Variants in TUBB8 observed in about 807,000 individuals in gnomAD.
TUBB8 encodes the protein tubulin beta 8 class VIII.
Under a neutral mutation model 33.7 loss-of-function variants are expected in TUBB8, and 25 were observed. That is an observed-to-expected ratio of 0.74 (90% CI 0.54 to 1.04). TUBB8 has a LOEUF of 1.04. Among genes scored for constraint, TUBB8 ranks in the 50% least tolerant of loss-of-function variants. The pLI is 0.00. For missense variants in TUBB8, 279 were observed against 608.0 expected, an observed-to-expected ratio of 0.46 and a Z score of 5.69; for synonymous variants, 245 against 240.1, an observed-to-expected ratio of 1.02 and a Z score of -0.19.
At chr10:63,766 C>T (rs1336596548) in intron 1 of TUBB8, among the ~76,000 whole-genome samples, 1 of 152,162 alleles carries the variant, frequency 6.6e-6, no homozygotes, top group Non-Finnish European at 1.5e-5. Context: ...TCACATATCT[C>T]TATTTTTCCA....
chr10:75,264 G>C (rs1428923017), upstream of TUBB8, among the ~76,000 whole-genome samples: 2 of 151,916 alleles, frequency 1.3e-5, no homozygotes, highest in African/African-American at 2.4e-5. Flanking sequence ...CCGGAGGATT[G>C]CTGGAGCCCA....
chr10:48,994 C>T, intron 1 of TUBB8, 82 bp from the exon 2 acceptor site: 5 of 1,254,870 alleles, frequency 4.0e-6, no homozygotes, highest in Non-Finnish European at 4.4e-6. Flanking sequence ...CACCCTCATC[C>T]GCACCCCCAT....
chr10:65,087 G>A (rs1834653750), intron 1 of TUBB8, among the ~76,000 whole-genome samples: 4 of 152,230 alleles, frequency 2.6e-5, no homozygotes, highest in Admixed American at 2.0e-4. Context: ...GTTGGAGGTT[G>A]CTATAAGCCA....
chr10:47,822 G>C lies in TUBB8; in HGVS notation c.570C>G (p.His190Gln). 1 of 1,614,256 alleles carries C rather than the reference G, an allele frequency of 6.2e-7. No homozygotes were observed. The highest frequency in any genetic ancestry group is 8.5e-7 in the Non-Finnish European group (1 of 1,180,050). Residue 190 changes from histidine (H) to glutamine (Q), a missense_variant, in exon 4 of 4, where the codon CAC (histidine) becomes CAG (glutamine). By Grantham distance (24) the His-to-Gln change is conservative. Around this residue, in one of 4 missense-constraint regions of TUBB8, gnomAD observed 96 missense variants for 233.7 expected, o/e 0.41. Coordinates refer to ENST00000568584, the MANE Select transcript of TUBB8 (RefSeq NM_177987.3). ...TCTCATCTGCGTTTTCTATGAGCTG[G>C]TGGACTGAGAGGGTGGCGTTGTAGG... ...VEPYNATLSV[H>Q]QLIENADETF...
At chr10:61,562 T>C (rs1834601978) in intron 1 of TUBB8, among the ~76,000 whole-genome samples, 1 of 152,236 alleles carries the variant, frequency 6.6e-6, no homozygotes, top group South Asian at 2.1e-4. Flanking sequence ...CAGAGAAGAA[T>C]GTGTATTCTG....
At chr10:55,009 G>A (rs1564208034) in intron 1 of TUBB8, among the ~76,000 whole-genome samples, 1 of 152,168 alleles carries the variant, frequency 6.6e-6, no homozygotes, top group African/African-American at 2.4e-5. Context: ...ACCCACCGCT[G>A]CCTCCCAAAG....
In TUBB8 at chr10:47,732, G is replaced by C; in HGVS notation, c.660C>G (p.Pro220=). ...CCAGGTGGTTCAGGTCACCATAGGT[G>C]GGTGTGGGCAGTTTTAGGGTCTTGG... ...ICSKTLKLPT[P]TYGDLNHLVS... The change falls in exon 4 of 4, where the codon CCC becomes CCG. Residue 220 remains proline, a synonymous_variant. Coordinates refer to ENST00000568584, the MANE Select transcript of TUBB8 (RefSeq NM_177987.3). 6.2e-7 allele frequency: 1 copy of C among 1,613,178 alleles called. No homozygotes were observed. Among genetic ancestry groups the C allele is most frequent in the Non-Finnish European group, 8.5e-7 (1 of 1,180,028 alleles).
At chr10:66,096 C>T (rs1834667218) in intron 1 of TUBB8, among the ~76,000 whole-genome samples, 1 of 152,194 alleles carries the variant, frequency 6.6e-6, no homozygotes, top group South Asian at 2.1e-4. Flanking sequence ...TGCTCATTTT[C>T]ATCACTGTAT....
intron 1 of TUBB8, among the ~76,000 whole-genome samples, chr10:54,737 T>TA (rs1564207956): frequency 1.3e-5 from 2 of 152,166 alleles, no homozygotes; most frequent in Non-Finnish European, 2.9e-5. Flanking sequence ...TGCACTGCTA[T>TA]AAAAAAACTG....
rs188420699 is a variant in TUBB8 at position 48,376 on chromosome 10, C to T, written c.277+239G>A. On this transcript the variant is annotated intron_variant, in intron 3 of 3. Coordinates refer to ENST00000568584, the MANE Select transcript of TUBB8 (RefSeq NM_177987.3). ...CCATTCTCAGGAAAGGCAGTAGCCACGGCCCCAGCTCAGGTTCTTGCAGGG... is the reference window on the plus strand; with the variant it reads ...CCATTCTCAGGAAAGGCAGTAGCCATGGCCCCAGCTCAGGTTCTTGCAGGG... 5.3e-4 allele frequency: 332 copies of T among 631,966 alleles called. No homozygotes were observed. In the African/African-American group the frequency reaches 5.3e-3, roughly 10 times the overall value. The allele number at this position is 631,966 out of a possible 1,614,324, so 39.1% of individuals were successfully genotyped here.
At chr10:67,812 C>G (rs547539944) in intron 1 of TUBB8, among the ~76,000 whole-genome samples, 1 of 152,176 alleles carries the variant, frequency 6.6e-6, no homozygotes, top group Non-Finnish European at 1.5e-5. Context: ...CACACTGTCA[C>G]GCAGGCTGGA....
upstream of TUBB8, chr10:49,473 G>A: frequency 4.7e-6 from 3 of 640,312 alleles, no homozygotes; most frequent in South Asian, 3.1e-5. Flanking sequence ...TCCTTTCCAC[G>A]TTGGGGAAAG....
upstream of TUBB8, chr10:50,062 C>G (rs540942985): frequency 6.5e-6 from 1 of 153,692 alleles, no homozygotes; most frequent in South Asian, 2.0e-4. Context: ...TTTGAATCTC[C>G]TGCAGAAAGG....
At chr10:49,820 C>G (rs1564206221), upstream of TUBB8, 1 of 330,522 alleles carries the variant, frequency 3.0e-6, no homozygotes, top group Non-Finnish European at 5.9e-6. Flanking sequence ...TAGGGTTAGC[C>G]CTTTCACCTT....
chr10:50,443 C>A (rs1321879540), upstream of TUBB8, among the ~76,000 whole-genome samples: 1 of 152,172 alleles, frequency 6.6e-6, no homozygotes, highest in Non-Finnish European at 1.5e-5. Flanking sequence ...TGTATGCTGA[C>A]CAGCACGCCC....
chr10:66,172 A>G (rs1348567833), intron 1 of TUBB8, among the ~76,000 whole-genome samples: 3 of 152,262 alleles, frequency 2.0e-5, no homozygotes, highest in Non-Finnish European at 4.4e-5. Flanking sequence ...GAGAACTTAT[A>G]TGTGTTAGGA....
chr10:48,749 G>T lies in TUBB8; in HGVS notation c.167-24C>A, dbSNP rs374196388. 17 of 1,607,622 alleles carry T rather than the reference G, an allele frequency of 1.1e-5. No individual in the cohort carries two copies. In the African/African-American group the frequency reaches 1.7e-4, roughly 16 times the overall value. On this transcript the variant is annotated intron_variant, in intron 2 of 3. Transcript: ENST00000568584. ...ACCTGCGTGGGGCGGGAGGGCATGA[G>T]CGAGGGGAGGGCCGCGTTCCCAGGA...
At chr10:61,103 A>C (rs71489224) in intron 1 of TUBB8, among the ~76,000 whole-genome samples, 1 of 149,130 alleles carries the variant, frequency 6.7e-6, no homozygotes, top group Non-Finnish European at 1.5e-5. Flanking sequence ...GAGGGATAGC[A>C]CTGGGAGATA....
upstream of TUBB8, among the ~76,000 whole-genome samples, chr10:50,901 C>T (rs1834459435): frequency 6.6e-6 from 1 of 152,178 alleles, no homozygotes; most frequent in African/African-American, 2.4e-5. Flanking sequence ...ACCACTCTTC[C>T]TTGGGATGGT....
Sources: allele counts gnomAD v4.1 joint callset (sites outside exome capture counted in the v4.1 genomes callset), GRCh38; gene constraint gnomAD v4.1.1; regional missense constraint gnomAD v4.1.1; transcripts MANE v1.5; gene names NCBI Gene and HGNC (gene_info 2026-07-23, HGNC 2026-07-21).